Variants in TNC observed in about 807,000 individuals in gnomAD.
TNC encodes tenascin C, also known as tenascin.
In TNC, 109 loss-of-function variants were observed where a neutral mutation model predicts 202.4. The ratio of observed to expected loss-of-function variants is 0.54; its 90% CI spans 0.46 to 0.63. The LOEUF (loss-of-function observed/expected upper bound fraction) is 0.63, where lower values mean the gene tolerates loss of function less well. Among genes scored for constraint, TNC ranks in the 30% least tolerant of loss-of-function variants. TNC has a pLI of 0.00. For synonymous variants in TNC, 1,007 were observed against 1,089.7 expected (o/e 0.92, Z 1.50); for missense variants, 2,756 against 2,833.3 (o/e 0.97, Z 0.62).
At chr9:115,036,006 A>T in intron 21 of TNC, 92 bp downstream of exon 21, 1 of 1,501,862 alleles carries the variant, frequency 6.7e-7, no homozygotes, top group Non-Finnish European at 9.1e-7. Context: ...CTGACTTAAG[A>T]AAGAAGAACT....
chr9:115,054,683 T>G (rs1243567648), intron 15 of TNC, among the ~76,000 whole-genome samples: 3 of 152,214 alleles, frequency 2.0e-5, no homozygotes, highest in Non-Finnish European at 4.4e-5. Flanking sequence ...CAATGTTCCA[T>G]GCAAAATGAG....
chr9:115,065,007 A>T, intron 10 of TNC, 88 bp from the exon 11 acceptor site: 5 of 1,473,014 alleles, frequency 3.4e-6, no homozygotes, highest in Non-Finnish European at 4.6e-6. Context: ...CCAATGCCAC[A>T]TCTATAGGCC....
intron 2 of TNC, among the ~76,000 whole-genome samples, chr9:115,087,625 T>C (rs962601502): frequency 2.0e-5 from 3 of 151,256 alleles, no homozygotes; most frequent in Non-Finnish European, 4.4e-5. Flanking sequence ...AGTCTTACTA[T>C]TCCTATGATG....
At chr9:115,054,311 G>A (rs902006694) in intron 15 of TNC, among the ~76,000 whole-genome samples, 1 of 152,204 alleles carries the variant, frequency 6.6e-6, no homozygotes, top group Non-Finnish European at 1.5e-5. Flanking sequence ...GCAGAATATA[G>A]CCATTAGCAT....
chr9:115,038,489 G>A (rs1830499867), intron 19 of TNC, 109 bp from the exon 20 acceptor site: 6 of 1,406,776 alleles, frequency 4.3e-6, no homozygotes, highest in East Asian at 5.1e-5. Context: ...GACAGTGTCA[G>A]CTGCATGGAA....
intron 1 of TNC, among the ~76,000 whole-genome samples, chr9:115,098,936 G>GTTTTT (rs1227896909): frequency 0.012 from 486 of 40,792 alleles, 3 homozygotes; most frequent in African/African-American, 0.036. Flanking sequence ...CCTTAAGTGT[G>GTTTTT]TATTTTTTTT....
chr9:115,102,630 A>G (rs1467507590), intron 1 of TNC, among the ~76,000 whole-genome samples: 3 of 152,252 alleles, frequency 2.0e-5, no homozygotes, highest in Non-Finnish European at 4.4e-5. Context: ...TATCATTTAA[A>G]AAAAGATTTG....
Position 115,087,158 on chromosome 9 carries a change from T to C in TNC, c.573A>G (p.Pro191=), listed in dbSNP as rs1480328310. The change falls in exon 3 of 28, where the codon CCA becomes CCG. Residue 191 remains proline, a synonymous_variant. Coordinates refer to ENST00000350763, the MANE Select transcript of TNC (RefSeq NM_002160.4). ...KGPNCSEPEC[P]GNCHLRGRCI... ...ACCGGCCTCGAAGGTGACAGTTGCCTGGACATTCGGGCTCAGAGCAGTTGG... is the reference window on the plus strand; with the variant it reads ...ACCGGCCTCGAAGGTGACAGTTGCCCGGACATTCGGGCTCAGAGCAGTTGG... 47 of 1,614,230 alleles carry C rather than the reference T, an allele frequency of 2.9e-5. No individual in the cohort carries two copies. Among genetic ancestry groups the C allele is most frequent in the Non-Finnish European group, 4.0e-5 (47 of 1,180,046 alleles).
At chr9:115,101,630 C>T (rs1836242970) in intron 1 of TNC, among the ~76,000 whole-genome samples, 1 of 152,222 alleles carries the variant, frequency 6.6e-6, no homozygotes, top group African/African-American at 2.4e-5. Context: ...TAAATGTTAA[C>T]ATTCTTTCAA....
chr9:115,077,246 C>T (rs1048587727), intron 7 of TNC, among the ~76,000 whole-genome samples: 12 of 152,072 alleles, frequency 7.9e-5, no homozygotes, highest in African/African-American at 1.4e-4. Flanking sequence ...TTAGTAGAGA[C>T]GGGGTTTCAC....
In TNC at chr9:115,086,535, G is replaced by A; in HGVS notation, c.1196C>T (p.Thr399Ile). ...CTTGAGCTCCCCACAGTCAGCTCCA[G>A]TGAAACCATCATCACACTCACACCG... is the stretch of plus-strand genomic sequence containing the variant. ...DGRCECDDGFTGADCGELKCP... is the reference protein window; with the variant it reads ...DGRCECDDGFIGADCGELKCP... The change falls in exon 3 of 28, where the codon ACT (threonine) becomes ATT (isoleucine). Residue 399 changes from threonine to isoleucine, a missense_variant. Around this residue, in one of 2 missense-constraint regions of TNC, gnomAD observed 2,559 missense variants for 2,546.0 expected, o/e 1.01. Transcript: ENST00000350763. 1 of 1,613,902 alleles carries A rather than the reference G, an allele frequency of 6.2e-7. No homozygotes were observed. Among genetic ancestry groups the A allele is most frequent in the Non-Finnish European group, 8.5e-7 (1 of 1,180,010 alleles).
chr9:115,057,414 C>T lies in TNC; in HGVS notation c.4318G>A (p.Glu1440Lys). 6.2e-7 allele frequency: 1 copy of T among 1,608,204 alleles called. No homozygotes were observed. Reference protein sequence around the residue: ...SAEASTAKEPEIGNLNVSDIT... With the variant: ...SAEASTAKEPKIGNLNVSDIT... The stretch of plus-strand genomic sequence containing the variant: ...TCAGAAACATTTAAGTTTCCAATTT[C>T]AGGTTCTTTGGCTGTAAAAGGAAGG... Residue 1440 changes from glutamate to lysine, a missense_variant, in exon 15 of 28, where the codon GAA becomes AAA. Physicochemically the swap from Glu to Lys is moderately conservative, Grantham distance 56. Coordinates refer to ENST00000350763, the MANE Select transcript of TNC (RefSeq NM_002160.4).
chr9:115,105,447 G>T (rs1038802828), intron 1 of TNC, among the ~76,000 whole-genome samples: 53 of 152,192 alleles, frequency 3.5e-4, no homozygotes, highest in African/African-American at 1.3e-3. Flanking sequence ...GTTTATGGAG[G>T]AGAAAACTGA....
chr9:115,067,972 G>A (rs368744312), intron 10 of TNC, among the ~76,000 whole-genome samples: 132 of 152,180 alleles, frequency 8.7e-4, no homozygotes, highest in African/African-American at 3.1e-3. Context: ...AGCCAAGTGA[G>A]TAAAAGGTAC....
intron 1 of TNC, among the ~76,000 whole-genome samples, chr9:115,095,658 A>G (rs866884726): frequency 1.4e-3 from 23 of 16,494 alleles, no homozygotes; most frequent in East Asian, 7.6e-3. Flanking sequence ...ATGTATATAT[A>G]TGTATATATA....
At position 115,086,254 on chromosome 9, in the gene TNC, C is replaced by A. The variant is rs542499079; in HGVS notation, c.1477G>T (p.Gly493Trp). 2 of 1,614,224 alleles carry A rather than the reference C, an allele frequency of 1.2e-6. No individual in the cohort carries two copies. The highest frequency in any genetic ancestry group is 3.3e-5 in the Admixed American group (2 of 60,032). ...CATTGGCGATCCCGGCAGTCTTCCCCTGTGTAGCCGTCATCACAAACACAC... is the reference window on the plus strand; with the variant it reads ...CATTGGCGATCCCGGCAGTCTTCCCATGTGTAGCCGTCATCACAAACACAC... Reference protein sequence around the residue: ...GMCVCDDGYTGEDCRDRQCPR... With the variant: ...GMCVCDDGYTWEDCRDRQCPR... The change falls in exon 3 of 28, where the codon GGG becomes TGG. Residue 493 changes from glycine (G) to tryptophan (W), a missense_variant. By Grantham distance (184) the Gly-to-Trp change is radical. This residue lies in a region of TNC where 2,559 missense variants were observed against 2,546.0 expected (regional missense o/e 1.01). Transcript: ENST00000350763.
rs1411812746 is a variant in TNC at position 115,063,052 on chromosome 9, G to A, written c.3898C>T (p.His1300Tyr). The change falls in exon 13 of 28, where the codon CAC becomes TAC. Residue 1300 changes from histidine (H) to tyrosine (Y), a missense_variant. Physicochemically the swap from His to Tyr is moderately conservative, Grantham distance 83 (BLOSUM62 2). Coordinates refer to ENST00000350763, the MANE Select transcript of TNC (RefSeq NM_002160.4). ...VQEADQVEEA[H>Y]NLTVPGSLRS... ...AGGCTGCCAGGAACCGTGAGATTGT[G>A]AGCCTCTTCCACCTGGTCAGCCTCC... The A allele has an allele frequency of 1.9e-6, 3 of 1,614,028 alleles. No homozygotes were observed. Among genetic ancestry groups the A allele is most frequent in the African/African-American group, 1.3e-5 (1 of 74,898 alleles).
At chr9:115,106,975 A>G (rs1276153109) in intron 1 of TNC, among the ~76,000 whole-genome samples, 4 of 152,182 alleles carry the variant, frequency 2.6e-5, no homozygotes, top group South Asian at 2.1e-4. Flanking sequence ...GCAGAGGCAA[A>G]TGAAGATGAA....
intron 15 of TNC, among the ~76,000 whole-genome samples, 199 bp downstream of exon 15, chr9:115,056,954 T>A (rs567643762): frequency 1.3e-5 from 2 of 152,340 alleles, no homozygotes; most frequent in South Asian, 4.1e-4. Flanking sequence ...CAGTGATAAA[T>A]CAGGCACATG....
Sources: gnomAD v4.1 joint callset for allele counts (sites outside exome capture counted in the v4.1 genomes callset) on GRCh38, gnomAD v4.1.1 for gene constraint, gnomAD v4.1.1 regional missense constraint, MANE v1.5 for transcripts, NCBI Gene and HGNC (gene_info 2026-07-23, HGNC 2026-07-21) for gene names.